The following OXCT1 variants were observed in gnomAD, a reference collection of about 807,000 sequenced individuals.
The protein encoded by OXCT1 is 3-oxoacid CoA-transferase 1.
Under a neutral mutation model 69.6 loss-of-function variants are expected in OXCT1, and 27 were observed. The ratio of observed to expected loss-of-function variants is 0.39; its 90% CI spans 0.29 to 0.54. The LOEUF (loss-of-function observed/expected upper bound fraction) is 0.54, where lower values mean the gene tolerates loss of function less well. Ranked by LOEUF, OXCT1 falls within the 20% of genes least tolerant of loss-of-function variation. The probability of loss-of-function intolerance (pLI) is 0.72; values close to 1 mark genes in which losing one functional copy is unlikely to be tolerated. For missense variants in OXCT1, 437 were observed against 650.2 expected, an observed-to-expected ratio of 0.67 and a Z score of 3.57; for synonymous variants, 202 against 217.8, an observed-to-expected ratio of 0.93 and a Z score of 0.64.
chr5:41,761,599 A>G (rs1187877507), intron 14 of OXCT1, among the ~76,000 whole-genome samples: 1 of 152,168 alleles, frequency 6.6e-6, no homozygotes, highest in Non-Finnish European at 1.5e-5. Flanking sequence ...AAATAAAAGT[A>G]TAATACCTTT....
chr5:41,830,630 G>A (rs1017452290), intron 7 of OXCT1, among the ~76,000 whole-genome samples: 2 of 152,184 alleles, frequency 1.3e-5, no homozygotes, highest in African/African-American at 4.8e-5. Context: ...ATGAGCCTGC[G>A]TATGGATGTG....
intron 16 of OXCT1, among the ~76,000 whole-genome samples, chr5:41,732,135 C>G (rs1326974176): frequency 6.6e-6 from 1 of 152,128 alleles, no homozygotes; most frequent in Non-Finnish European, 1.5e-5. Context: ...AGACGCAGTA[C>G]AAACCCCAAG....
chr5:41,854,791 G>C (rs1252527672), intron 3 of OXCT1, among the ~76,000 whole-genome samples: 11 of 151,998 alleles, frequency 7.2e-5, no homozygotes, highest in Non-Finnish European at 1.2e-4. Context: ...ACCAAGTCTC[G>C]ACAAAGATGT....
At chr5:41,819,380 G>C (rs901512221) in intron 7 of OXCT1, among the ~76,000 whole-genome samples, 11 of 151,574 alleles carry the variant, frequency 7.3e-5, no homozygotes, top group African/African-American at 1.5e-4. Context: ...GGGGGGATTG[G>C]GGGGGCAGGG....
Position 41,759,784 on chromosome 5 carries a change from A to C in OXCT1, c.1338+2327T>G, listed in dbSNP as rs573124729. On this transcript the variant is annotated intron_variant, in intron 14 of 16. Coordinates refer to ENST00000196371, the MANE Select transcript of OXCT1 (RefSeq NM_000436.4). ...ATAAGGAAATAGATAGCCCTACCCG[A>C]AAACCAGTTAATAGCTCTATCCACT... Among the ~76,000 whole-genome samples the C allele has an allele frequency of 1.8e-4, 27 of 152,270 alleles. No homozygotes were observed. The East Asian group carries it at 5.2e-3, about 29-fold the overall frequency.
In OXCT1 at chr5:41,802,768, G is replaced by A. The variant is rs114233401; in HGVS notation, c.1050+301C>T. Among the ~76,000 whole-genome samples the A allele has an allele frequency of 4.9e-3, 747 of 152,150 alleles. 3 individuals are homozygous for A. Among genetic ancestry groups the A allele is most frequent in the African/African-American group, 0.013 (555 of 41,530 alleles). On this transcript the variant is annotated intron_variant, in intron 10 of 16. Transcript: ENST00000196371. ...CAGTCAGAAAGCCAGAGTCAGGAACGTACCATCTACTACATAAAATACAAT... is the reference window on the plus strand; with the variant it reads ...CAGTCAGAAAGCCAGAGTCAGGAACATACCATCTACTACATAAAATACAAT...
At chr5:41,766,208 A>G (rs753122044) in intron 13 of OXCT1, among the ~76,000 whole-genome samples, 5 of 152,190 alleles carry the variant, frequency 3.3e-5, no homozygotes, top group Admixed American at 6.6e-5. Flanking sequence ...TTTGCTGTTA[A>G]GGATTGACCC....
intron 13 of OXCT1, among the ~76,000 whole-genome samples, chr5:41,784,768 A>C (rs1049699889): frequency 6.6e-6 from 1 of 152,232 alleles, no homozygotes; most frequent in Admixed American, 6.5e-5. Context: ...CTGGCCAGTG[A>C]CATGTGCTTA....
intron 6 of OXCT1, 106 bp from the exon 7 acceptor site, chr5:41,840,617 T>C (rs1748582470): frequency 2.9e-6 from 2 of 685,796 alleles, no homozygotes; most frequent in South Asian, 3.7e-5. Context: ...ACTAAGAATC[T>C]AAGAATCTTT....
intron 7 of OXCT1, among the ~76,000 whole-genome samples, chr5:41,835,505 G>T (rs781386636): frequency 6.6e-6 from 1 of 152,112 alleles, no homozygotes; most frequent in Non-Finnish European, 1.5e-5. Context: ...TGGGTTCACC[G>T]ATATTCAATT....
At chr5:41,815,827 G>C (rs1163238095) in intron 7 of OXCT1, among the ~76,000 whole-genome samples, 2 of 152,156 alleles carry the variant, frequency 1.3e-5, no homozygotes, top group African/African-American at 4.8e-5. Context: ...AACAGGAAGA[G>C]AAAAAGTTCG....
rs371443387 is a variant in OXCT1, at chr5:41,847,073, C to T, written c.564+2957G>A. ...AAAAAAGAGAGAAGAATCAAATAGA[C>T]GCAATAAAAAATGATAAAGGGGATA... On this transcript the variant is annotated intron_variant, in intron 5 of 16. Transcript: ENST00000196371. Among the ~76,000 whole-genome samples the T allele has an allele frequency of 7.3e-5, 11 of 151,486 alleles. No homozygotes were observed. The East Asian group carries it at 1.6e-3, about 21-fold the overall frequency.
intron 1 of OXCT1, among the ~76,000 whole-genome samples, chr5:41,868,411 GTACAGTTCAAC>G (rs1750104028): frequency 6.6e-6 from 1 of 152,144 alleles, no homozygotes; most frequent in Non-Finnish European, 1.5e-5. Flanking sequence ...TAGATAAGTG[GTACAGTTCAAC>G]AGAAGCAGCA....
At chr5:41,733,542 T>C (rs1742744598) in intron 16 of OXCT1, among the ~76,000 whole-genome samples, 1 of 152,182 alleles carries the variant, frequency 6.6e-6, no homozygotes, top group South Asian at 2.1e-4. Flanking sequence ...CCACCGTGCC[T>C]GGCCCAATTT....
Position 41,861,392 on chromosome 5 carries a change from C to T in OXCT1, c.200G>A (p.Cys67Tyr). ...ATCTATAAGATTCTCTGGAATTCCA[C>T]ATAGCCCAAAACCTATATTAAGCCC... Reference protein sequence around the residue: ...ATVLVGGFGLCGIPENLIDAL... With the variant: ...ATVLVGGFGLYGIPENLIDAL... The change falls in exon 3 of 17, where the codon TGT becomes TAT. Residue 67 changes from cysteine to tyrosine, a missense_variant. Coordinates refer to ENST00000196371, the MANE Select transcript of OXCT1 (RefSeq NM_000436.4). 3 of 1,609,940 alleles carry T rather than the reference C, an allele frequency of 1.9e-6. No individual in the cohort carries two copies. The highest frequency in any genetic ancestry group is 2.5e-6 in the Non-Finnish European group (3 of 1,176,546).
intron 13 of OXCT1, among the ~76,000 whole-genome samples, chr5:41,775,681 T>C (rs1021692066): frequency 6.6e-6 from 1 of 152,286 alleles, no homozygotes; most frequent in East Asian, 1.9e-4. Flanking sequence ...AACCCTCTAA[T>C]CATGTCTTGG....
At chr5:41,765,875 C>T (rs1021507088) in intron 13 of OXCT1, among the ~76,000 whole-genome samples, 11 of 152,144 alleles carry the variant, frequency 7.2e-5, no homozygotes, top group Non-Finnish European at 1.6e-4. Flanking sequence ...CCCCATCCCT[C>T]ATCTTCATCC....
chr5:41,842,640 G>T, intron 6 of OXCT1, 35 bp downstream of exon 6: 1 of 1,381,228 alleles, frequency 7.2e-7, no homozygotes, highest in Non-Finnish European at 1.0e-6. Flanking sequence ...TAGAGTTGCT[G>T]ATATGCACGA....
chr5:41,852,170 G>A (rs1749203846), intron 4 of OXCT1, among the ~76,000 whole-genome samples: 1 of 152,184 alleles, frequency 6.6e-6, no homozygotes, highest in African/African-American at 2.4e-5. Flanking sequence ...TTTTGTTATA[G>A]CAGCCTGAGC....
Sources: allele counts gnomAD v4.1 joint callset (sites outside exome capture counted in the v4.1 genomes callset), GRCh38; gene constraint gnomAD v4.1.1; transcripts MANE v1.5; gene names NCBI Gene and HGNC (gene_info 2026-07-23, HGNC 2026-07-21).